The following MCC variants were observed in gnomAD, a reference collection of about 807,000 sequenced individuals.
The protein encoded by MCC is MCC regulator of Wnt signaling pathway.
MCC carries 90 observed loss-of-function variants against 116.2 expected under a neutral mutation model. The ratio of observed to expected loss-of-function variants is 0.77; its 90% CI spans 0.65 to 0.92. The LOEUF (loss-of-function observed/expected upper bound fraction) is 0.92. Among genes scored for constraint, MCC ranks in the 40% least tolerant of loss-of-function variants. The probability of loss-of-function intolerance (pLI) is 0.00; values close to 1 mark genes in which losing one functional copy is unlikely to be tolerated. For synonymous variants in MCC, 578 were observed against 510.5 expected (o/e 1.13, Z -1.78); for missense variants, 1,516 against 1,312.2 (o/e 1.16, Z -2.40).
intron 3 of MCC, among the ~76,000 whole-genome samples, chr5:113,307,741 G>A (rs1767023136): frequency 6.6e-6 from 1 of 152,152 alleles, no homozygotes; most frequent in Admixed American, 6.5e-5. Context: ...GTGGAGGGGA[G>A]GCATTCAGTC....
At chr5:113,462,369 A>G (rs1038081552) in intron 1 of MCC, among the ~76,000 whole-genome samples, 15 of 152,232 alleles carry the variant, frequency 9.9e-5, no homozygotes, top group Non-Finnish European at 1.5e-4. Flanking sequence ...GCAGCATTCA[A>G]CAGAAACACT....
intron 2 of MCC, among the ~76,000 whole-genome samples, chr5:113,351,049 G>A (rs538655352): frequency 1.3e-5 from 2 of 152,140 alleles, no homozygotes; most frequent in Non-Finnish European, 2.9e-5. Context: ...ACACTAGTGG[G>A]GATATAGAGA....
chr5:113,327,500 C>T (rs1465075519), intron 3 of MCC, among the ~76,000 whole-genome samples: 1 of 136,426 alleles, frequency 7.3e-6, no homozygotes, highest in African/African-American at 2.8e-5. Context: ...GAGCCGAGGT[C>T]GTGCTACTGT....
chr5:113,315,808 G>T (rs1250444526), intron 3 of MCC, among the ~76,000 whole-genome samples: 8 of 151,876 alleles, frequency 5.3e-5, no homozygotes, highest in African/African-American at 1.9e-4. Context: ...GCCTCAGGAG[G>T]TCGAGGCTGC....
chr5:113,095,090 G>T (rs1354070486), intron 8 of MCC, among the ~76,000 whole-genome samples: 1 of 152,198 alleles, frequency 6.6e-6, no homozygotes, highest in Non-Finnish European at 1.5e-5. Context: ...CAAGCTCAGT[G>T]TGCCTTCATG....
chr5:113,107,753 G>A (rs774962103), intron 6 of MCC, among the ~76,000 whole-genome samples: 8 of 152,142 alleles, frequency 5.3e-5, no homozygotes, highest in Non-Finnish European at 8.8e-5. Context: ...CTTCCCTAGC[G>A]CAGGTCCACC....
At chr5:113,314,934 A>G (rs73781511) in intron 3 of MCC, among the ~76,000 whole-genome samples, 4,941 of 152,330 alleles carry the variant, frequency 0.032, 265 homozygotes, top group African/African-American at 0.11. Context: ...TCAAAAGTCC[A>G]GCAGGACTGG....
intron 3 of MCC, among the ~76,000 whole-genome samples, chr5:113,333,804 T>TATATGTATATATGTAC (rs1767765446): frequency 2.8e-5 from 3 of 108,064 alleles, no homozygotes; most frequent in Non-Finnish European, 3.8e-5. Context: ...TATATATGTA[T>TATATGTATATATGTAC]ATATGTATAT....
chr5:113,043,015 T>TA (rs1485296039), intron 17 of MCC, among the ~76,000 whole-genome samples: 1 of 152,066 alleles, frequency 6.6e-6, no homozygotes, highest in African/African-American at 2.4e-5. Context: ...AAAGTGGAGA[T>TA]ACGGAAGACA....
intron 3 of MCC, among the ~76,000 whole-genome samples, chr5:113,154,454 T>C (rs1760058373): frequency 6.6e-6 from 1 of 152,230 alleles, no homozygotes; most frequent in South Asian, 2.1e-4. Flanking sequence ...CTTGACCTCC[T>C]GGACGGAGTA....
rs946565157 is a variant in MCC, at chr5:113,065,809, A to G, written c.2030-1642T>C. On this transcript the variant is annotated intron_variant, in intron 13 of 18. Transcript: ENST00000408903. ...ATGGCATGATGGGTGGCATGATGGC[A>G]CAGTATGATGGGCCAGCCACTCCTG... Among the ~76,000 whole-genome samples the G allele has an allele frequency of 2.6e-5, 4 of 151,982 alleles. No homozygotes were observed. In the East Asian group the frequency reaches 5.8e-4, roughly 22 times the overall value.
At chr5:113,431,768 G>GA (rs200675085) in intron 1 of MCC, among the ~76,000 whole-genome samples, 23,803 of 136,810 alleles carry the variant, frequency 0.17, 4,201 homozygotes, top group Admixed American at 0.32. Flanking sequence ...GGCCAAGGGG[G>GA]GGGGGGGGTG....
chr5:113,464,795 G>GA (rs34958921), intron 1 of MCC, among the ~76,000 whole-genome samples: 4 of 148,876 alleles, frequency 2.7e-5, no homozygotes, highest in African/African-American at 7.4e-5. Flanking sequence ...ATAGCAACAA[G>GA]AAAAAAAAAA....
At chr5:113,069,660 C>T (rs1264196438) in intron 12 of MCC, among the ~76,000 whole-genome samples, 1 of 152,226 alleles carries the variant, frequency 6.6e-6, no homozygotes, top group African/African-American at 2.4e-5. Context: ...GCTCCGCCTC[C>T]CAGGTTCACG....
chr5:113,033,592 G>A (rs548504315), intron 17 of MCC, among the ~76,000 whole-genome samples: 2 of 152,270 alleles, frequency 1.3e-5, no homozygotes, highest in South Asian at 2.1e-4. Flanking sequence ...TCACACAAAT[G>A]AGAAAGCAAA....
At chr5:113,332,579 A>G (rs1291178822) in intron 3 of MCC, among the ~76,000 whole-genome samples, 1 of 151,228 alleles carries the variant, frequency 6.6e-6, no homozygotes, top group Non-Finnish European at 1.5e-5. Flanking sequence ...AAAAAAAAAA[A>G]AAAAGGAATA....
intron 1 of MCC, among the ~76,000 whole-genome samples, chr5:113,402,809 T>C (rs1769730478): frequency 6.6e-6 from 1 of 152,104 alleles, no homozygotes; most frequent in African/African-American, 2.4e-5. Flanking sequence ...GTGTCTCACA[T>C]CCTCAAGTAT....
intron 3 of MCC, among the ~76,000 whole-genome samples, chr5:113,201,286 T>A (rs896460416): frequency 6.7e-6 from 1 of 150,370 alleles, no homozygotes. Context: ...CTCGGGAGGC[T>A]GAAGCAGGAG....
At chr5:113,150,244 T>A (rs1488843991) in intron 4 of MCC, among the ~76,000 whole-genome samples, 1 of 152,056 alleles carries the variant, frequency 6.6e-6, no homozygotes, top group Non-Finnish European at 1.5e-5. Context: ...GAAGGCTAGG[T>A]TCTAAACACT....
Sources: allele counts gnomAD v4.1 joint callset (sites outside exome capture counted in the v4.1 genomes callset), GRCh38; gene constraint gnomAD v4.1.1; transcripts MANE v1.5; gene names NCBI Gene and HGNC (gene_info 2026-07-23, HGNC 2026-07-21).